Variants in KIF27 observed in about 807,000 individuals in gnomAD.
KIF27 encodes kinesin family member 27.
A neutral mutation model predicts 141.8 loss-of-function variants in KIF27; 84 were observed. The observed-to-expected ratio is 0.59, with a 90% confidence interval of 0.50 to 0.71. The LOEUF (loss-of-function observed/expected upper bound fraction) is 0.71. KIF27 is among the 30% of genes least tolerant of loss of function. The pLI is 0.00. For synonymous variants in KIF27, 471 were observed against 569.5 expected, an observed-to-expected ratio of 0.83 and a Z score of 2.46; for missense variants, 1,306 against 1,628.4, an observed-to-expected ratio of 0.80 and a Z score of 3.41.
intron 4 of KIF27, among the ~76,000 whole-genome samples, chr9:83,900,885 A>AG (rs1335137518): frequency 6.6e-6 from 1 of 151,520 alleles, no homozygotes; most frequent in Non-Finnish European, 1.5e-5. Flanking sequence ...ATTACCTTTC[A>AG]GAAAAAAAAA....
chr9:83,867,763 C>T lies in KIF27; in HGVS notation c.2855G>A (p.Arg952Gln), dbSNP rs753202865. ...CTCCTTCTTAGAAACTATGGCCTCC[C>T]GTTTCTTTAAGTCTGCTTCCAGCTC... The part of the protein sequence containing the change: ...LEELEADLKK[R>Q]EAIVSKKEAL... Residue 952 changes from arginine (R) to glutamine (Q), a missense_variant, in exon 13 of 18, where the codon CGG becomes CAG. Coordinates refer to ENST00000297814, the MANE Select transcript of KIF27 (RefSeq NM_017576.4). 21 of 1,613,362 alleles carry T rather than the reference C, an allele frequency of 1.3e-5. No homozygotes were observed. The African/African-American group carries it at 1.5e-4, about 11-fold the overall frequency.
At chr9:83,847,398 A>G (rs1481941065) in intron 16 of KIF27, among the ~76,000 whole-genome samples, 1 of 152,180 alleles carries the variant, frequency 6.6e-6, no homozygotes, top group Non-Finnish European at 1.5e-5. Context: ...AGTACTGTTA[A>G]CTTTATGTAA....
intron 3 of KIF27, among the ~76,000 whole-genome samples, chr9:83,906,316 C>A (rs903359876): frequency 2.0e-5 from 3 of 152,176 alleles, no homozygotes; most frequent in African/African-American, 7.2e-5. Flanking sequence ...AGATTTGCTG[C>A]CTCCTATAGC....
intron 1 of KIF27, among the ~76,000 whole-genome samples, chr9:83,919,225 G>C (rs1316150981): frequency 6.6e-6 from 1 of 152,174 alleles, no homozygotes; most frequent in Non-Finnish European, 1.5e-5. Flanking sequence ...AAATGGTATA[G>C]CCACTTTGGA....
At chr9:83,879,407 CAT>C (rs910999549) in intron 11 of KIF27, among the ~76,000 whole-genome samples, 2 of 150,584 alleles carry the variant, frequency 1.3e-5, no homozygotes, top group African/African-American at 4.9e-5. Context: ...AGAGGCTAAA[CAT>C]GTGCAGGGAC....
At chr9:83,869,446 T>C (rs1362452147) in intron 12 of KIF27, among the ~76,000 whole-genome samples, 4 of 152,134 alleles carry the variant, frequency 2.6e-5, no homozygotes, top group Non-Finnish European at 5.9e-5. Context: ...AGAAATATAC[T>C]TGTCTTCAGC....
chr9:83,899,004 G>C (rs1290450078), intron 5 of KIF27: 1 of 151,728 alleles, frequency 6.6e-6, no homozygotes, highest in Non-Finnish European at 1.5e-5. Context: ...ACAATTAGAA[G>C]GGTTAAAAAA....
rs187216000 is a variant in KIF27, at chr9:83,915,761, A to G, written c.-87-83T>C. The G allele has an allele frequency of 7.9e-3, 4,802 of 606,376 alleles. 42 individuals carry two copies. The highest frequency in any genetic ancestry group is 0.012 in the Middle Eastern group (26 of 2,236). The allele number at this position is 606,376 out of a possible 1,614,324, so 37.6% of individuals were successfully genotyped here. On this transcript the variant is annotated intron_variant, in intron 1 of 17. Transcript: ENST00000297814. ...CTAACCACCTTCTAAAGCAAAGTCA[A>G]TTAGAACAGGTTTTGTTCCAATACA...
chr9:83,839,325 T>C (rs1946295440), intron 17 of KIF27, among the ~76,000 whole-genome samples: 1 of 152,172 alleles, frequency 6.6e-6, no homozygotes, highest in Non-Finnish European at 1.5e-5. Flanking sequence ...ATTTTATAAT[T>C]GAGGGAACCG....
chr9:83,891,441 G>A lies in KIF27; in HGVS notation c.1663C>T (p.Leu555Phe). The A allele has an allele frequency of 6.2e-7, 1 of 1,613,848 alleles. No individual in the cohort carries two copies. Among genetic ancestry groups the A allele is most frequent in the South Asian group, 1.1e-5 (1 of 91,078 alleles). Residue 555 changes from leucine to phenylalanine, a missense_variant, in exon 6 of 18, where the codon CTT becomes TTT. This residue lies in a region of KIF27 where 596 missense variants were observed against 751.6 expected (regional missense o/e 0.79). Coordinates refer to ENST00000297814, the MANE Select transcript of KIF27 (RefSeq NM_017576.4). ...GCTGAAGAAGTCACTGACAGGTTAA[G>A]TTTTGTTAGTTCTTCACTCAGTTGA... ...VDQLSEELTKLNLSVTSSAKE... is the reference protein window; with the variant it reads ...VDQLSEELTKFNLSVTSSAKE...
intron 15 of KIF27, 145 bp from the exon 16 acceptor site, chr9:83,850,442 G>A (rs556206539): frequency 4.7e-6 from 3 of 638,820 alleles, no homozygotes; most frequent in East Asian, 2.7e-5. Flanking sequence ...TTAGGCAAAT[G>A]CTTTGTAACA....
At chr9:83,851,824 G>T (rs1350250853) in intron 15 of KIF27, among the ~76,000 whole-genome samples, 1 of 152,138 alleles carries the variant, frequency 6.6e-6, no homozygotes, top group Admixed American at 6.5e-5. Flanking sequence ...TAGCCAGGTT[G>T]CCTTGCTTTA....
rs563364602 is a variant in KIF27, at chr9:83,915,620, T to C, written c.-29A>G. 200 of 1,545,702 alleles carry C rather than the reference T, an allele frequency of 1.3e-4. 3 individuals carry two copies. The South Asian group carries it at 2.3e-3, about 18-fold the overall frequency. On this transcript the variant is annotated 5_prime_UTR_variant, in exon 2 of 18. Transcript: ENST00000297814. Reference sequence around the variant, plus strand: ...AACTTAGATTTTACTAAATAGATTTTCTATTTAATGTTCAGTATCTAGTGT... The same window carrying C: ...AACTTAGATTTTACTAAATAGATTTCCTATTTAATGTTCAGTATCTAGTGT...
At chr9:83,839,503 T>C (rs754232456) in intron 17 of KIF27, among the ~76,000 whole-genome samples, 16 of 152,256 alleles carry the variant, frequency 1.1e-4, no homozygotes, top group Non-Finnish European at 2.1e-4. Context: ...CATATAAAAC[T>C]GATTTTATCC....
chr9:83,884,363 G>A (rs1951916865), intron 9 of KIF27, among the ~76,000 whole-genome samples: 1 of 152,030 alleles, frequency 6.6e-6, no homozygotes, highest in South Asian at 2.1e-4. Flanking sequence ...TTGTCCTCTT[G>A]CTTAGTATAC....
intron 8 of KIF27, 80 bp downstream of exon 8, chr9:83,888,409 G>C (rs1952325444): frequency 1.7e-6 from 1 of 578,948 alleles, no homozygotes; most frequent in Admixed American, 3.8e-5. Flanking sequence ...ATTCCTGGAT[G>C]TTTCTTAAAT....
At chr9:83,878,831 T>C (rs549653969) in intron 11 of KIF27, among the ~76,000 whole-genome samples, 3 of 152,086 alleles carry the variant, frequency 2.0e-5, no homozygotes, top group Non-Finnish European at 4.4e-5. Context: ...ATAGTGGTGA[T>C]GGTTGCACAA....
chr9:83,837,148 G>A lies in KIF27; in HGVS notation c.4059C>T (p.Val1353=), dbSNP rs754742092. The change falls in exon 18 of 18, where the codon GTC becomes GTT. Residue 1353 remains valine (V), a synonymous_variant. Coordinates refer to ENST00000297814, the MANE Select transcript of KIF27 (RefSeq NM_017576.4). ...CTTTTCGACACAGTTTTACAGGTGT[G>A]ACACCATGAAGTCGTCCCACATTTC... ...VVGNVGRLHG[V]TPVKLCRKEL... is the part of the protein sequence containing the mutation. 1 of 1,614,012 alleles carries A rather than the reference G, an allele frequency of 6.2e-7. No homozygotes were observed. The highest frequency in any genetic ancestry group is 8.5e-7 in the Non-Finnish European group (1 of 1,180,012).
chr9:83,843,668 A>G (rs1946852262), intron 16 of KIF27, among the ~76,000 whole-genome samples: 1 of 152,222 alleles, frequency 6.6e-6, no homozygotes, highest in East Asian at 1.9e-4. Flanking sequence ...TTGAAATTAG[A>G]AAATTCATGA....
Sources: allele counts gnomAD v4.1 joint callset (sites outside exome capture counted in the v4.1 genomes callset), GRCh38; gene constraint gnomAD v4.1.1; regional missense constraint gnomAD v4.1.1; transcripts MANE v1.5; gene names NCBI Gene and HGNC (gene_info 2026-07-23, HGNC 2026-07-21).